SOX5: variants seen among roughly 807,000 people sequenced by gnomAD.
SOX5 encodes transcription factor SOX-5.
Under a neutral mutation model 92.0 loss-of-function variants are expected in SOX5, and 9 were observed. The ratio of observed to expected loss-of-function variants is 0.10; its 90% confidence interval spans 0.06 to 0.17. The LOEUF (loss-of-function observed/expected upper bound fraction) is 0.17, where lower values mean the gene tolerates loss of function less well. Among genes scored for constraint, SOX5 ranks in the 10% least tolerant of loss-of-function variants. The pLI is 1.00. For synonymous variants in SOX5, 344 were observed against 336.3 expected, an observed-to-expected ratio of 1.02 and a Z score of -0.25; for missense variants, 642 against 944.5, an observed-to-expected ratio of 0.68 and a Z score of 4.20.
intron 3 of SOX5, among the ~76,000 whole-genome samples, chr12:24,268,381 A>G (rs1322003621): frequency 6.6e-6 from 1 of 152,204 alleles, no homozygotes; most frequent in Non-Finnish European, 1.5e-5. Context: ...TGTTTTACTG[A>G]AAATGCTTCA....
chr12:23,866,172 C>G (rs1190527706), intron 2 of SOX5, among the ~76,000 whole-genome samples: 2 of 152,086 alleles, frequency 1.3e-5, no homozygotes, highest in Non-Finnish European at 2.9e-5. Context: ...CATTTACATA[C>G]ACATGTACAC....
chr12:24,525,779 C>T (rs1308860675), intron 1 of SOX5, among the ~76,000 whole-genome samples: 1 of 151,762 alleles, frequency 6.6e-6, no homozygotes, highest in Non-Finnish European at 1.5e-5. Context: ...GGCGTGAACC[C>T]GGAAGGCAGA....
At chr12:24,021,841 A>T (rs974827663) in intron 4 of SOX5, among the ~76,000 whole-genome samples, 11 of 152,196 alleles carry the variant, frequency 7.2e-5, no homozygotes, top group African/African-American at 2.7e-4. Flanking sequence ...GGAATGCAAT[A>T]ATAGTTGTCA....
chr12:23,675,792 G>T (rs2085574337), intron 6 of SOX5, among the ~76,000 whole-genome samples: 1 of 151,896 alleles, frequency 6.6e-6, no homozygotes, highest in Non-Finnish European at 1.5e-5. Context: ...TGAACTATGG[G>T]GTTAATGTCC....
At chr12:23,823,036 T>C (rs1177892785) in intron 3 of SOX5, among the ~76,000 whole-genome samples, 1 of 152,200 alleles carries the variant, frequency 6.6e-6, no homozygotes, top group African/African-American at 2.4e-5. Context: ...GTCTCCTGAA[T>C]ACAGCACACT....
At chr12:23,931,543 G>A (rs1941409663) in intron 1 of SOX5, among the ~76,000 whole-genome samples, 1 of 151,648 alleles carries the variant, frequency 6.6e-6, no homozygotes, top group African/African-American at 2.4e-5. Flanking sequence ...GGAAACTTTG[G>A]TAACGAAAAT....
chr12:24,162,890 C>A (rs1952925284), intron 4 of SOX5, among the ~76,000 whole-genome samples: 1 of 152,106 alleles, frequency 6.6e-6, no homozygotes, highest in African/African-American at 2.4e-5. Context: ...AGAAGGGTGA[C>A]CCAGATGATG....
intron 2 of SOX5, among the ~76,000 whole-genome samples, chr12:23,869,042 A>G (rs573760067): frequency 6.6e-6 from 1 of 152,220 alleles, no homozygotes; most frequent in East Asian, 1.9e-4. Context: ...GCGTAACTTT[A>G]TGCTCTGCAC....
At chr12:23,961,846 C>T (rs1346933494) in intron 4 of SOX5, among the ~76,000 whole-genome samples, 1 of 152,144 alleles carries the variant, frequency 6.6e-6, no homozygotes, top group Non-Finnish European at 1.5e-5. Context: ...ATCTGTTTCT[C>T]AAGATTAGAA....
intron 4 of SOX5, among the ~76,000 whole-genome samples, chr12:24,104,282 T>C (rs1303942778): frequency 1.3e-5 from 2 of 152,138 alleles, no homozygotes. Context: ...ATGACTAATA[T>C]TAGGTTCAAT....
chr12:24,313,622 T>C (rs1032127622), intron 2 of SOX5, among the ~76,000 whole-genome samples: 3 of 152,250 alleles, frequency 2.0e-5, no homozygotes, highest in Admixed American at 6.5e-5. Flanking sequence ...TGATCACTCG[T>C]GCTCCTTGTT....
At position 23,883,424 on chromosome 12, in the gene SOX5, T is replaced by C. The variant is rs981976032; in HGVS notation, c.270+12369A>G. 1.0e-3 allele frequency among the ~76,000 whole-genome samples: 157 copies of C among 152,320 alleles called. 13 individuals are homozygous for C. The highest frequency in any genetic ancestry group is 3.3e-4 in the Admixed American group (5 of 15,302). Reference sequence around the variant, plus strand: ...ACCTACAAGAAAATACAGTCTTTTGTTCTGATAAATAATCATAATTAGTAA... The same window carrying C: ...ACCTACAAGAAAATACAGTCTTTTGCTCTGATAAATAATCATAATTAGTAA... On this transcript the variant is annotated intron_variant, in intron 2 of 14. Transcript: ENST00000451604.
chr12:24,527,797 G>A lies in SOX5; in HGVS notation c.-251+34532C>T, dbSNP rs78734220. On this transcript the variant is annotated intron_variant, in intron 1 of 4. Coordinates refer to the SOX5 transcript ENST00000446891. ...CATAGCACTAGCTAGTTTGTCAGGG[G>A]AGCTAAATGTCCTACTAATTTCTTA... Among the ~76,000 whole-genome samples, 1,056 of 152,290 alleles carry A rather than the reference G, an allele frequency of 6.9e-3. 13 individuals carry two copies. The highest frequency in any genetic ancestry group is 0.024 in the African/African-American group (1,013 of 41,554).
At chr12:24,461,178 G>A (rs1225565571) in intron 1 of SOX5, among the ~76,000 whole-genome samples, 4 of 152,128 alleles carry the variant, frequency 2.6e-5, no homozygotes, top group African/African-American at 2.4e-5. Flanking sequence ...GATACATACT[G>A]AATTTGTTGT....
At chr12:24,234,807 GC>G (rs1427397625) in intron 3 of SOX5, among the ~76,000 whole-genome samples, 1 of 152,130 alleles carries the variant, frequency 6.6e-6, no homozygotes, top group Non-Finnish European at 1.5e-5. Flanking sequence ...GGTCGATTTT[GC>G]CCCTGCCCAG....
At chr12:24,333,573 C>A (rs1372072464) in intron 2 of SOX5, among the ~76,000 whole-genome samples, 7 of 151,712 alleles carry the variant, frequency 4.6e-5, no homozygotes, top group Admixed American at 4.6e-4. Context: ...TAAAATACTC[C>A]AAAATCCACT....
At position 23,679,176 on chromosome 12, in the gene SOX5, G is replaced by A. The variant is rs551686558; in HGVS notation, c.811-13612C>T. ...AGGAGAAAGAGAAATCTAGTAAATCGAAAGTAGTTTGGAAGAATGGGGTAA... is the reference window on the plus strand; with the variant it reads ...AGGAGAAAGAGAAATCTAGTAAATCAAAAGTAGTTTGGAAGAATGGGGTAA... On this transcript the variant is annotated intron_variant, in intron 6 of 14. Coordinates refer to ENST00000451604, the MANE Select transcript of SOX5 (RefSeq NM_006940.6). Among the ~76,000 whole-genome samples the A allele has an allele frequency of 6.3e-4, 96 of 152,216 alleles. 2 individuals are homozygous for A. In the South Asian group the frequency reaches 0.018, roughly 29 times the overall value.
chr12:24,205,988 C>T (rs1957981884), intron 4 of SOX5, among the ~76,000 whole-genome samples: 1 of 152,184 alleles, frequency 6.6e-6, no homozygotes, highest in Non-Finnish European at 1.5e-5. Context: ...CACCAGCTTG[C>T]TACATTTCCA....
intron 4 of SOX5, chr12:24,212,449 G>A (rs568883069): frequency 3.7e-6 from 2 of 534,178 alleles, no homozygotes; most frequent in Admixed American, 1.9e-5. Flanking sequence ...ACCTGGATGT[G>A]TAGGAGCTAA....
Sources: allele counts gnomAD v4.1 joint callset (sites outside exome capture counted in the v4.1 genomes callset), GRCh38; gene constraint gnomAD v4.1.1; transcripts MANE v1.5; gene names NCBI Gene and HGNC (gene_info 2026-07-23, HGNC 2026-07-21).